DGKH: variants seen among roughly 807,000 people sequenced by gnomAD.
DGKH encodes diacylglycerol kinase eta, also known as DAG kinase eta.
Under a neutral mutation model 159.3 loss-of-function variants are expected in DGKH, and 90 were observed. The ratio of observed to expected loss-of-function variants is 0.57; its 90% CI spans 0.48 to 0.67. The LOEUF (loss-of-function observed/expected upper bound fraction) is 0.67. DGKH is among the 30% of genes least tolerant of loss of function. The pLI, the probability that DGKH is intolerant of heterozygous loss-of-function variation, is 0.00. For missense variants in DGKH, 1,181 were observed against 1,506.1 expected (o/e 0.78, Z 3.57); for synonymous variants, 536 against 553.8 (o/e 0.97, Z 0.45).
chr13:42,210,993 A>G (rs1261585730), intron 24 of DGKH, among the ~76,000 whole-genome samples: 1 of 152,130 alleles, frequency 6.6e-6, no homozygotes, highest in Non-Finnish European at 1.5e-5. Context: ...ATGTTTATGG[A>G]ATGGAGAGGG....
chr13:42,109,202 C>A (rs1157064314), intron 1 of DGKH, among the ~76,000 whole-genome samples: 3 of 152,198 alleles, frequency 2.0e-5, no homozygotes, highest in Admixed American at 2.0e-4. Context: ...ACAAGACCAG[C>A]TGGTATTTAC....
intron 3 of DGKH, among the ~76,000 whole-genome samples, 177 bp from the exon 4 acceptor site, chr13:42,155,114 T>C (rs1314952142): frequency 6.6e-6 from 1 of 152,178 alleles, no homozygotes. Flanking sequence ...GGATCAAAGG[T>C]AGAAAAACTC....
At chr13:42,211,282 T>C (rs1233556089) in intron 24 of DGKH, among the ~76,000 whole-genome samples, 1 of 152,212 alleles carries the variant, frequency 6.6e-6, no homozygotes, top group Non-Finnish European at 1.5e-5. Flanking sequence ...TAATAAGAGC[T>C]GTTTCAATAG....
chr13:42,236,884 CAG>C lies in DGKH; in HGVS notation c.*7699_*7700del, dbSNP rs1958424395. ...CGCCACTGCACTCCAGCCTGGGCGA[CAG>C]AGCGAGACTCTGTCTCAGGGGGAAA... On this transcript the variant is annotated 3_prime_UTR_variant, in exon 30 of 30. Coordinates refer to ENST00000337343, the MANE Select transcript of DGKH (RefSeq NM_178009.5). The C allele has an allele frequency of 6.6e-5, 10 of 152,120 alleles. No individual in the cohort carries two copies. Among genetic ancestry groups the C allele is most frequent in the Admixed American group, 6.6e-4 (10 of 15,250 alleles). The allele number at this position is 152,120 out of a possible 1,614,324, so 9.4% of individuals were successfully genotyped here.
chr13:42,068,840 T>C, intron 1 of DGKH: 1 of 588,526 alleles, frequency 1.7e-6, no homozygotes, highest in Non-Finnish European at 2.7e-6. Context: ...AATGACACCA[T>C]CTGATTCAAG....
chr13:42,236,237 C>T lies in DGKH; in HGVS notation c.*7049C>T, dbSNP rs1410983041. On this transcript the variant is annotated 3_prime_UTR_variant, in exon 30 of 30. Transcript: ENST00000337343. ...GCTTTATATGAAATACATATTCTAG[C>T]TCTTTTCCTTTTTACTGCTGTTGTT... 7 of 152,126 alleles carry T rather than the reference C, an allele frequency of 4.6e-5. No individual in the cohort carries two copies. The highest frequency in any genetic ancestry group is 4.6e-4 in the Admixed American group (7 of 15,274). 9.4% of individuals were successfully genotyped at this position (152,126 alleles called of 1,614,324 possible). A position where few individuals can be genotyped will look rare whatever the true frequency, so the allele number is the denominator to read the frequency against.
At chr13:42,164,853 A>T (rs1351003055) in intron 7 of DGKH, among the ~76,000 whole-genome samples, 1 of 152,182 alleles carries the variant, frequency 6.6e-6, no homozygotes, top group Non-Finnish European at 1.5e-5. Context: ...AAGTTATGGG[A>T]TTACTGCAGA....
At chr13:42,191,277 A>G (rs1957057343) in intron 16 of DGKH, among the ~76,000 whole-genome samples, 1 of 152,210 alleles carries the variant, frequency 6.6e-6, no homozygotes, top group Non-Finnish European at 1.5e-5. Flanking sequence ...GCACTTATGA[A>G]AAGTCAGCAC....
intron 29 of DGKH, among the ~76,000 whole-genome samples, chr13:42,248,689 C>A (rs1958599650): frequency 6.7e-6 from 1 of 148,740 alleles, no homozygotes; most frequent in Non-Finnish European, 1.5e-5. Context: ...CTGTAGATAT[C>A]TTTTATATCT....
intron 9 of DGKH, among the ~76,000 whole-genome samples, chr13:42,166,928 C>A (rs938744652): frequency 1.3e-5 from 2 of 152,128 alleles, no homozygotes; most frequent in African/African-American, 2.4e-5. Context: ...CTAACAATTT[C>A]TTTAGCTCCA....
chr13:42,138,139 A>G (rs775333512), intron 3 of DGKH: 4 of 985,008 alleles, frequency 4.1e-6, no homozygotes, highest in Non-Finnish European at 4.8e-6. Flanking sequence ...TGCTGAAATG[A>G]ATTTCTCAAG....
At chr13:42,104,301 C>T (rs1427337260) in intron 1 of DGKH, among the ~76,000 whole-genome samples, 1 of 152,132 alleles carries the variant, frequency 6.6e-6, no homozygotes, top group Non-Finnish European at 1.5e-5. Context: ...TTTGCTTGGG[C>T]TAAAACTGGG....
intron 1 of DGKH, among the ~76,000 whole-genome samples, chr13:42,122,551 T>C (rs1241655428): frequency 1.3e-5 from 2 of 152,188 alleles, no homozygotes; most frequent in African/African-American, 4.8e-5. Flanking sequence ...AATCTATGTA[T>C]GGATTAATCC....
At chr13:42,074,859 A>G (rs1299723811) in intron 1 of DGKH, among the ~76,000 whole-genome samples, 1 of 152,198 alleles carries the variant, frequency 6.6e-6, no homozygotes, top group Admixed American at 6.5e-5. Flanking sequence ...TAATTTAGCA[A>G]AACAGTTTTT....
chr13:42,157,506 G>A (rs965954017), intron 5 of DGKH, among the ~76,000 whole-genome samples: 1 of 152,118 alleles, frequency 6.6e-6, no homozygotes, highest in African/African-American at 2.4e-5. Flanking sequence ...TGTTATATTC[G>A]GCCGGGCACG....
intron 1 of DGKH, among the ~76,000 whole-genome samples, chr13:42,098,046 G>A (rs985588869): frequency 1.3e-4 from 19 of 151,938 alleles, no homozygotes; most frequent in Non-Finnish European, 2.8e-4. Flanking sequence ...CTCCCATTTT[G>A]TTTTCCTTAT....
At chr13:42,047,365 TA>T (rs1380824985), upstream of DGKH, among the ~76,000 whole-genome samples, 3 of 152,028 alleles carry the variant, frequency 2.0e-5, no homozygotes, top group African/African-American at 7.3e-5. Flanking sequence ...GGAGGAACCT[TA>T]AAGGTCATGT....
chr13:42,123,073 A>C (rs1955106430), intron 1 of DGKH, among the ~76,000 whole-genome samples: 1 of 152,206 alleles, frequency 6.6e-6, no homozygotes, highest in Non-Finnish European at 1.5e-5. Context: ...ATTTGCTACC[A>C]AAAAGCCAAC....
intron 20 of DGKH, among the ~76,000 whole-genome samples, chr13:42,200,582 C>G (rs184879716): frequency 6.6e-6 from 1 of 152,030 alleles, no homozygotes; most frequent in Non-Finnish European, 1.5e-5. Flanking sequence ...CTTTTTGTAA[C>G]TATATATTTT....
Sources: allele counts gnomAD v4.1 joint callset (sites outside exome capture counted in the v4.1 genomes callset), GRCh38; gene constraint gnomAD v4.1.1; transcripts MANE v1.5; gene names NCBI Gene and HGNC (gene_info 2026-07-23, HGNC 2026-07-21).